Variants in SUN1 observed in about 807,000 individuals in gnomAD.
The protein encoded by SUN1 is SUN domain-containing protein 1.
A neutral mutation model predicts 103.2 loss-of-function variants in SUN1; 61 were observed. The observed-to-expected ratio is 0.59, with a 90% CI of 0.48 to 0.73. The LOEUF (loss-of-function observed/expected upper bound fraction) is 0.73. Among genes scored for constraint, SUN1 ranks in the 30% least tolerant of loss-of-function variants. The probability of loss-of-function intolerance (pLI) is 0.00; values close to 1 mark genes in which losing one functional copy is unlikely to be tolerated. For missense variants in SUN1, 1,052 were observed against 1,034.6 expected, an observed-to-expected ratio of 1.02 and a Z score of -0.23; for synonymous variants, 490 against 425.7, an observed-to-expected ratio of 1.15 and a Z score of -1.86.
At chr7:845,960 G>C (rs368373438) in intron 5 of SUN1, among the ~76,000 whole-genome samples, 53 of 152,240 alleles carry the variant, frequency 3.5e-4, no homozygotes, top group East Asian at 1.7e-3. Context: ...GCTGTCCCGG[G>C]GTTCTCCTAG....
intron 2 of SUN1, among the ~76,000 whole-genome samples, chr7:839,942 C>G (rs771406605): frequency 6.6e-6 from 1 of 152,196 alleles, no homozygotes; most frequent in Non-Finnish European, 1.5e-5. Context: ...TTGCGTTCGT[C>G]GAGTTCATTT....
At chr7:830,010 A>C (rs540535640), upstream of SUN1, among the ~76,000 whole-genome samples, 3 of 152,342 alleles carry the variant, frequency 2.0e-5, no homozygotes, top group East Asian at 5.8e-4. Flanking sequence ...TTTATCCTAT[A>C]ATTTAATATT....
chr7:817,216 T>TC (rs1203618722), intron 1 of SUN1: 3 of 581,572 alleles, frequency 5.2e-6, no homozygotes, highest in Non-Finnish European at 9.2e-6. Context: ...CGCCTCCGCC[T>TC]CCCGAAGCGC....
At chr7:821,700 C>A (rs1786202913) in intron 1 of SUN1, among the ~76,000 whole-genome samples, 1 of 152,186 alleles carries the variant, frequency 6.6e-6, no homozygotes, top group South Asian at 2.1e-4. Context: ...CTTGCCCTTA[C>A]CGCAGCGTTT....
In SUN1 at chr7:874,064, T is replaced by G. The variant is rs1255547978; in HGVS notation, c.*733T>G. On this transcript the variant is annotated 3_prime_UTR_variant, in exon 19 of 19. Coordinates refer to ENST00000401592, the MANE Select transcript of SUN1 (RefSeq NM_001130965.3). ...GGGGTTCTCTGGTCTCAGCAAGGCT[T>G]TTCCTGTTGGGAGTCACAGTAAACA... 2 of 152,208 alleles carry G rather than the reference T, an allele frequency of 1.3e-5. No homozygotes were observed. Among genetic ancestry groups the G allele is most frequent in the Non-Finnish European group, 2.9e-5 (2 of 68,042 alleles). 9.4% of individuals were successfully genotyped at this position (152,208 alleles called of 1,614,324 possible). A position where few individuals can be genotyped will look rare whatever the true frequency, so the allele number is the denominator to read the frequency against.
intron 17 of SUN1, among the ~76,000 whole-genome samples, chr7:870,074 C>T (rs1312964221): frequency 1.3e-5 from 2 of 150,442 alleles, no homozygotes; most frequent in African/African-American, 2.4e-5. Context: ...GGCTTGGTGG[C>T]GCACGCCTGT....
chr7:841,812 C>T, intron 2 of SUN1, 134 bp from the exon 3 acceptor site: 1 of 875,202 alleles, frequency 1.1e-6, no homozygotes. Flanking sequence ...TTCATTACAG[C>T]AGAAAAGGCA....
intron 15 of SUN1, among the ~76,000 whole-genome samples, chr7:861,950 C>T (rs1033663404): frequency 9.2e-5 from 14 of 152,236 alleles, no homozygotes; most frequent in Admixed American, 7.9e-4. Flanking sequence ...TGCAGGGGCA[C>T]AAGCCTAGGC....
Position 866,026 on chromosome 7 carries a change from C to T in SUN1, c.1939C>T (p.Pro647Ser), listed in dbSNP as rs1464635034. 1 of 1,613,970 alleles carries T rather than the reference C, an allele frequency of 6.2e-7. No homozygotes were observed. ...GGCGCTGATGAGTCTGTTTGGGATC[C>T]CGCTGTGGTACTTCTCGCAGTCCCC... ...KTALMSLFGIPLWYFSQSPRV... is the reference protein window; with the variant it reads ...KTALMSLFGISLWYFSQSPRV... The change falls in exon 16 of 19, where the codon CCG becomes TCG. Residue 647 changes from proline to serine, a missense_variant. This residue lies in a region of SUN1 where 206 missense variants were observed against 260.1 expected (regional missense o/e 0.79). Coordinates refer to ENST00000401592, the MANE Select transcript of SUN1 (RefSeq NM_001130965.3).
chr7:869,229 G>T, intron 16 of SUN1, 120 bp from the exon 17 acceptor site: 2 of 1,264,916 alleles, frequency 1.6e-6, no homozygotes, highest in Non-Finnish European at 1.1e-6. Context: ...TTTTGCTCAT[G>T]GCAGTTTCTA....
chr7:839,311 G>A (rs1269423828), intron 2 of SUN1: 2 of 275,782 alleles, frequency 7.3e-6, no homozygotes, highest in Non-Finnish European at 1.4e-5. Context: ...CTCAGCTACA[G>A]CTGTCCTACC....
chr7:872,826 C>T (rs866981982), intron 18 of SUN1, among the ~76,000 whole-genome samples: 97 of 152,216 alleles, frequency 6.4e-4, no homozygotes, highest in African/African-American at 2.1e-3. Context: ...TGGTGGCTCA[C>T]GTCTGTAATC....
rs372347437 is a variant in SUN1 at position 862,038 on chromosome 7, G to A, written c.1864+574G>A. 8.5e-5 allele frequency among the ~76,000 whole-genome samples: 13 copies of A among 152,348 alleles called. No homozygotes were observed. In the East Asian group the frequency reaches 9.7e-4, roughly 11 times the overall value. On this transcript the variant is annotated intron_variant, in intron 15 of 18. Coordinates refer to ENST00000401592, the MANE Select transcript of SUN1 (RefSeq NM_001130965.3). ...TCCTGGGGTCCACACAGCCCACTCCGTGGTGAGTGGGGCAGCACACCTGGA... is the reference window on the plus strand; with the variant it reads ...TCCTGGGGTCCACACAGCCCACTCCATGGTGAGTGGGGCAGCACACCTGGA...
At chr7:842,163 T>A in intron 3 of SUN1, 33 bp downstream of exon 3, 1 of 1,600,484 alleles carries the variant, frequency 6.2e-7, no homozygotes, top group Non-Finnish European at 8.5e-7. Flanking sequence ...TTGTCCCGCC[T>A]ACAGTTGGGG....
chr7:832,160 A>T, upstream of SUN1: 1 of 893,170 alleles, frequency 1.1e-6, no homozygotes, highest in Non-Finnish European at 1.4e-6. Context: ...GAACATTTTG[A>T]CACAGTGAGG....
intron 13 of SUN1, among the ~76,000 whole-genome samples, chr7:859,537 G>C (rs775693794): frequency 1.3e-5 from 2 of 152,212 alleles, no homozygotes; most frequent in African/African-American, 2.4e-5. Flanking sequence ...CCATTGTTAG[G>C]GGGTGTGGGC....
intron 13 of SUN1, among the ~76,000 whole-genome samples, chr7:859,769 A>G (rs1830738228): frequency 6.6e-6 from 1 of 152,204 alleles, no homozygotes; most frequent in South Asian, 2.1e-4. Flanking sequence ...CATCAGACCA[A>G]GTTTGTTGAT....
At chr7:867,213 C>G (rs1837690301) in intron 16 of SUN1, among the ~76,000 whole-genome samples, 2 of 152,252 alleles carry the variant, frequency 1.3e-5, no homozygotes, top group Non-Finnish European at 2.9e-5. Context: ...CTCACCAGCA[C>G]TTTGCTCCTG....
At chr7:828,028 C>T (rs148315337), upstream of SUN1, among the ~76,000 whole-genome samples, 298 of 151,674 alleles carry the variant, frequency 2.0e-3, no homozygotes, top group African/African-American at 6.8e-3. Context: ...CTCAGCCTCC[C>T]GAGTAGCTGG....
Sources: allele counts gnomAD v4.1 joint callset (sites outside exome capture counted in the v4.1 genomes callset), GRCh38; gene constraint gnomAD v4.1.1; regional missense constraint gnomAD v4.1.1; transcripts MANE v1.5; gene names NCBI Gene and HGNC (gene_info 2026-07-23, HGNC 2026-07-21).